PLD5: variants seen among roughly 807,000 people sequenced by gnomAD.
PLD5 encodes the protein phospholipase D family member 5.
PLD5 carries 36 observed loss-of-function variants against 61.1 expected under a neutral mutation model. The observed-to-expected ratio is 0.59, with a 90% CI of 0.45 to 0.78. PLD5 has a LOEUF of 0.78. Ranked by LOEUF, PLD5 falls within the 30% of genes least tolerant of loss-of-function variation. PLD5 has a pLI of 0.00. For synonymous variants in PLD5, 243 were observed against 242.8 expected (o/e 1.00, Z -0.01); for missense variants, 515 against 644.4 (o/e 0.80, Z 2.17).
chr1:242,508,209 CA>C (rs11458705), intron 1 of PLD5, among the ~76,000 whole-genome samples: 2,702 of 137,586 alleles, frequency 0.02, 75 homozygotes, highest in African/African-American at 0.061. Flanking sequence ...ACTAAAAATA[CA>C]AAAAAAAAAA....
chr1:242,213,357 T>C (rs1054714126), intron 5 of PLD5, among the ~76,000 whole-genome samples: 1 of 152,192 alleles, frequency 6.6e-6, no homozygotes, highest in Non-Finnish European at 1.5e-5. Context: ...AGGTTATTCA[T>C]TTTATGGATG....
intron 1 of PLD5, among the ~76,000 whole-genome samples, chr1:242,350,847 T>C (rs1226428883): frequency 6.6e-6 from 1 of 152,086 alleles, no homozygotes; most frequent in Non-Finnish European, 1.5e-5. Flanking sequence ...CAGCCATTAT[T>C]CTTTTACCCT....
chr1:242,205,736 G>A (rs978659004), intron 5 of PLD5, among the ~76,000 whole-genome samples: 4 of 152,120 alleles, frequency 2.6e-5, no homozygotes, highest in Admixed American at 6.5e-5. Flanking sequence ...TTCAAAACTC[G>A]TAAATCCTGA....
chr1:242,229,735 C>T (rs1671176599), intron 4 of PLD5, among the ~76,000 whole-genome samples: 1 of 152,208 alleles, frequency 6.6e-6, no homozygotes, highest in African/African-American at 2.4e-5. Flanking sequence ...TACACTGTAA[C>T]TTTCCTAAGC....
intron 4 of PLD5, among the ~76,000 whole-genome samples, chr1:242,234,221 AGGAG>A (rs1443298310): frequency 6.6e-6 from 1 of 152,166 alleles, no homozygotes; most frequent in East Asian, 1.9e-4. Context: ...AAGGAGGTGA[AGGAG>A]GGAGGGTTTC....
intron 5 of PLD5, among the ~76,000 whole-genome samples, chr1:242,154,728 C>T (rs1344994079): frequency 1.3e-5 from 2 of 152,088 alleles, no homozygotes; most frequent in Admixed American, 6.5e-5. Context: ...TTTTGATGTG[C>T]TGCTGGATTC....
chr1:242,247,560 T>C (rs1672462009), intron 4 of PLD5, among the ~76,000 whole-genome samples: 1 of 152,184 alleles, frequency 6.6e-6, no homozygotes, highest in Admixed American at 6.5e-5. Context: ...ATTTTGTCAG[T>C]CTTATGATCT....
intron 1 of PLD5, among the ~76,000 whole-genome samples, chr1:242,354,817 T>G (rs932508664): frequency 1.5e-4 from 19 of 129,874 alleles, no homozygotes; most frequent in African/African-American, 3.1e-4. Flanking sequence ...AATTTGAGTG[T>G]TTTTTTTTTT....
chr1:242,432,058 A>G (rs61845899), intron 1 of PLD5, among the ~76,000 whole-genome samples: 20,326 of 152,202 alleles, frequency 0.13, 1,407 homozygotes, highest in Middle Eastern at 0.23. Context: ...AGTGGAAGTC[A>G]GGGGCGGTGG....
chr1:242,148,965 A>G (rs1175235963), intron 5 of PLD5, among the ~76,000 whole-genome samples: 1 of 64,458 alleles, frequency 1.6e-5, no homozygotes, highest in African/African-American at 6.2e-5. Context: ...GCAAATAGAG[A>G]GAGTTTTATT....
intron 5 of PLD5, among the ~76,000 whole-genome samples, chr1:242,151,614 C>T (rs1404478141): frequency 2.0e-5 from 3 of 151,890 alleles, no homozygotes; most frequent in Non-Finnish European, 4.4e-5. Flanking sequence ...TTTGAATATG[C>T]CTAGTATTTG....
At chr1:242,520,520 T>A (rs1669247702) in intron 1 of PLD5, among the ~76,000 whole-genome samples, 1 of 152,154 alleles carries the variant, frequency 6.6e-6, no homozygotes, top group Non-Finnish European at 1.5e-5. Context: ...AGATCCCTCT[T>A]ACCAGAGCTC....
chr1:242,145,266 C>T (rs1279111558), intron 5 of PLD5, among the ~76,000 whole-genome samples: 1 of 152,150 alleles, frequency 6.6e-6, no homozygotes, highest in Non-Finnish European at 1.5e-5. Context: ...AACCATCTCA[C>T]AGAAATAAAG....
In PLD5 at chr1:242,265,402, A is replaced by G; in HGVS notation, c.542T>C (p.Ile181Thr). 6.2e-7 allele frequency: 1 copy of G among 1,612,808 alleles called. No individual in the cohort carries two copies. Among genetic ancestry groups the G allele is most frequent in the Non-Finnish European group, 8.5e-7 (1 of 1,179,444 alleles). The change falls in exon 4 of 10, where the codon ATT becomes ACT. Residue 181 changes from isoleucine to threonine, a missense_variant. By Grantham distance (89) the Ile-to-Thr change is moderately conservative (BLOSUM62 -1). Transcript: ENST00000536534. ...TACATCACTCACTAGCTTGATTTCA[A>G]TATTTTGCGAAGTCAGCTGGAGCAA... The part of the protein sequence containing the change: ...EKLLQLTSQN[I>T]EIKLVSDVTA...
intron 1 of PLD5, among the ~76,000 whole-genome samples, chr1:242,419,792 AAT>A (rs1330335513): frequency 6.6e-6 from 1 of 152,016 alleles, no homozygotes; most frequent in Admixed American, 6.6e-5. Flanking sequence ...GCCTTTTAAA[AAT>A]AGATTGAAAA....
chr1:242,441,014 C>T (rs1029435301), intron 1 of PLD5, among the ~76,000 whole-genome samples: 1 of 152,062 alleles, frequency 6.6e-6, no homozygotes, highest in African/African-American at 2.4e-5. Flanking sequence ...CATCCATGTC[C>T]ATTATAATGA....
chr1:242,293,754 A>G (rs1675499733), intron 2 of PLD5, among the ~76,000 whole-genome samples: 1 of 152,184 alleles, frequency 6.6e-6, no homozygotes, highest in African/African-American at 2.4e-5. Context: ...AATGAATTCC[A>G]GGGAAAAGCT....
chr1:242,479,621 T>C (rs1156626216), intron 1 of PLD5, among the ~76,000 whole-genome samples: 1 of 152,202 alleles, frequency 6.6e-6, no homozygotes, highest in Non-Finnish European at 1.5e-5. Context: ...ATAGATTTAA[T>C]GTTATCCTAA....
chr1:242,231,278 G>A (rs943551248), intron 4 of PLD5, among the ~76,000 whole-genome samples: 27 of 152,130 alleles, frequency 1.8e-4, no homozygotes, highest in African/African-American at 6.0e-4. Context: ...GTATGGCCAC[G>A]AAGGAGGACA....
Sources: gnomAD v4.1 joint callset for allele counts (sites outside exome capture counted in the v4.1 genomes callset) on GRCh38, gnomAD v4.1.1 for gene constraint, MANE v1.5 for transcripts, NCBI Gene and HGNC (gene_info 2026-07-23, HGNC 2026-07-21) for gene names.